Variants in PCDH17 observed in about 807,000 individuals in gnomAD.
PCDH17 encodes protocadherin-17.
Under a neutral mutation model 67.7 loss-of-function variants are expected in PCDH17, and 21 were observed. That is an observed-to-expected ratio of 0.31 (90% CI 0.22 to 0.45). PCDH17 has a LOEUF of 0.45. Among genes scored for constraint, PCDH17 ranks in the 20% least tolerant of loss-of-function variants. PCDH17 has a pLI of 1.00. For synonymous variants in PCDH17, 701 were observed against 656.7 expected (o/e 1.07, Z -1.03); for missense variants, 1,471 against 1,564.8 (o/e 0.94, Z 1.01).
intron 3 of PCDH17, among the ~76,000 whole-genome samples, chr13:57,704,896 A>G (rs560750275): frequency 7.9e-5 from 12 of 152,208 alleles, no homozygotes; most frequent in East Asian, 3.9e-4. Flanking sequence ...TGTGAATACT[A>G]TAAGTACATA....
At position 57,632,138 on chromosome 13, in the gene PCDH17, GA is replaced by G. The variant is rs543134441; in HGVS notation, c.-405del. The G allele has an allele frequency of 2.6e-4, 63 of 243,260 alleles. No individual in the cohort carries two copies. The highest frequency in any genetic ancestry group is 1.4e-3 in the African/African-American group (60 of 43,056). The allele number at this position is 243,260 out of a possible 1,614,324, so 15.1% of individuals were successfully genotyped here. ...TTTGCAGCACCCTAGCGGGAGCGAGGAAAACCTACTGATTCTTTAGCTCATT... is the reference window on the plus strand; with the variant it reads ...TTTGCAGCACCCTAGCGGGAGCGAGGAAACCTACTGATTCTTTAGCTCATT... On this transcript the variant is annotated 5_prime_UTR_variant, in exon 1 of 4. Transcript: ENST00000377918.
chr13:57,712,733 GAC>G (rs1955787539), intron 3 of PCDH17, among the ~76,000 whole-genome samples: 1 of 151,512 alleles, frequency 6.6e-6, no homozygotes, highest in Non-Finnish European at 1.5e-5. Context: ...AATTAAGAAA[GAC>G]TGTCTTAATT....
At chr13:57,668,091 A>G (rs1191513427) in intron 3 of PCDH17, among the ~76,000 whole-genome samples, 1 of 151,874 alleles carries the variant, frequency 6.6e-6, no homozygotes. Flanking sequence ...ATTGTTTTAA[A>G]AATTATTTTT....
At chr13:57,698,625 A>G (rs574424962) in intron 3 of PCDH17, among the ~76,000 whole-genome samples, 39 of 152,076 alleles carry the variant, frequency 2.6e-4, no homozygotes, top group Admixed American at 1.1e-3. Flanking sequence ...AAGTTTACCT[A>G]TTCCGCAGAA....
chr13:57,706,120 T>A (rs1371630057), intron 3 of PCDH17, among the ~76,000 whole-genome samples: 1 of 151,786 alleles, frequency 6.6e-6, no homozygotes, highest in Non-Finnish European at 1.5e-5. Context: ...AACACAAAAC[T>A]GAAAAAAAAG....
intron 1 of PCDH17, among the ~76,000 whole-genome samples, chr13:57,638,374 G>T (rs576092101): frequency 8.5e-5 from 13 of 152,190 alleles, no homozygotes; most frequent in African/African-American, 3.1e-4. Context: ...TGAAGGCCTT[G>T]TAGGAAAGAG....
intron 3 of PCDH17, among the ~76,000 whole-genome samples, chr13:57,703,325 G>T (rs1254003130): frequency 6.6e-6 from 1 of 152,064 alleles, no homozygotes; most frequent in African/African-American, 2.4e-5. Flanking sequence ...GGTGCATAAA[G>T]AACTTCTAGG....
At chr13:57,721,543 G>A (rs1286036104) in intron 3 of PCDH17, among the ~76,000 whole-genome samples, 1 of 151,938 alleles carries the variant, frequency 6.6e-6, no homozygotes, top group East Asian at 1.9e-4. Context: ...ACTCTTCAAT[G>A]TTATTTTTTA....
Position 57,634,088 on chromosome 13 carries a change from G to C in PCDH17, c.1542G>C (p.Ser514=). The C allele has an allele frequency of 6.2e-7, 1 of 1,612,388 alleles. No homozygotes were observed. Among genetic ancestry groups the C allele is most frequent in the Non-Finnish European group, 8.5e-7 (1 of 1,179,716 alleles). The part of the protein sequence containing the change: ...NGTVSYSILP[S]HIGDVSIYTY... The stretch of plus-strand genomic sequence containing the variant: ...CCGTATCCTACTCTATCCTGCCCTC[G>C]CACATCGGCGACGTGTCTATCTACA... The change falls in exon 1 of 4, where the codon TCG becomes TCC. Residue 514 remains serine, a synonymous_variant. Coordinates refer to ENST00000377918, the MANE Select transcript of PCDH17 (RefSeq NM_001040429.3). This position sits in a 1 kb window ranked among gnomAD's most constrained non-coding sequence, Gnocchi z 7.8.
At chr13:57,721,781 T>C (rs1955873931) in intron 3 of PCDH17, among the ~76,000 whole-genome samples, 1 of 152,126 alleles carries the variant, frequency 6.6e-6, no homozygotes, top group Admixed American at 6.6e-5. Flanking sequence ...TTCTTTCCCT[T>C]TCTACTTTCT....
rs571075688 is a variant in PCDH17, at chr13:57,672,027, C to T, written c.2797+5194C>T. ...CTATGGCTTCCTTCTCCTGCCTCTACTGTTAGAAAATCTGTCTTCTTAAAT... is the reference window on the plus strand; with the variant it reads ...CTATGGCTTCCTTCTCCTGCCTCTATTGTTAGAAAATCTGTCTTCTTAAAT... On this transcript the variant is annotated intron_variant, in intron 3 of 3. Coordinates refer to ENST00000377918, the MANE Select transcript of PCDH17 (RefSeq NM_001040429.3). Among the ~76,000 whole-genome samples the T allele has an allele frequency of 1.5e-3, 224 of 152,102 alleles. 2 individuals carry two copies. Among genetic ancestry groups the T allele is most frequent in the African/African-American group, 5.3e-3 (222 of 41,522 alleles).
chr13:57,709,150 CTTAAA>C (rs1955750232), intron 3 of PCDH17, among the ~76,000 whole-genome samples: 1 of 150,942 alleles, frequency 6.6e-6, no homozygotes. Context: ...TCAGTACATT[CTTAAA>C]TTAGGTGACT....
intron 3 of PCDH17, among the ~76,000 whole-genome samples, chr13:57,683,230 C>T (rs950702087): frequency 5.9e-5 from 9 of 151,920 alleles, no homozygotes; most frequent in Admixed American, 2.0e-4. Flanking sequence ...GCCTTATTAA[C>T]ATCTTGACTG....
At chr13:57,671,993 T>C (rs2138032624) in intron 3 of PCDH17, among the ~76,000 whole-genome samples, 1 of 152,190 alleles carries the variant, frequency 6.6e-6, no homozygotes, top group South Asian at 2.1e-4. Context: ...TCTAGTTTTC[T>C]ATTTAATTCT....
At chr13:57,694,912 T>C (rs2138066998) in intron 3 of PCDH17, among the ~76,000 whole-genome samples, 1 of 151,328 alleles carries the variant, frequency 6.6e-6, no homozygotes, top group East Asian at 1.9e-4. Context: ...TCCAAAGAGC[T>C]GGGTCAGGAT....
intron 1 of PCDH17, among the ~76,000 whole-genome samples, chr13:57,655,070 A>G (rs1026491284): frequency 6.6e-6 from 1 of 152,006 alleles, no homozygotes; most frequent in African/African-American, 2.4e-5. Context: ...TGTTGTTTAT[A>G]GTCATAAAAA....
chr13:57,645,669 T>G (rs1486382474), intron 1 of PCDH17, among the ~76,000 whole-genome samples: 1 of 151,014 alleles, frequency 6.6e-6, no homozygotes, highest in African/African-American at 2.4e-5. Context: ...TCTCCCAGTA[T>G]TTGTTTATAT....
intron 3 of PCDH17, among the ~76,000 whole-genome samples, chr13:57,681,831 A>T (rs951188900): frequency 6.6e-6 from 1 of 151,690 alleles, no homozygotes; most frequent in Non-Finnish European, 1.5e-5. Flanking sequence ...ATCACTTTTT[A>T]TTTTTTAAAT....
At chr13:57,695,450 A>T (rs1336492919) in intron 3 of PCDH17, among the ~76,000 whole-genome samples, 1 of 150,796 alleles carries the variant, frequency 6.6e-6, no homozygotes, top group Non-Finnish European at 1.5e-5. Context: ...AAAGAAAGAA[A>T]AGGAAGGCAG....
Sources: allele counts gnomAD v4.1 joint callset (sites outside exome capture counted in the v4.1 genomes callset), GRCh38; gene constraint gnomAD v4.1.1; non-coding constraint Gnocchi (gnomAD v3.1); transcripts MANE v1.5; gene names NCBI Gene and HGNC (gene_info 2026-07-23, HGNC 2026-07-21).